Variants in A3GALT2 observed in about 807,000 individuals in gnomAD.
The protein encoded by A3GALT2 is alpha-1,3-galactosyltransferase 2.
Under a neutral mutation model 16.6 loss-of-function variants are expected in A3GALT2, and 14 were observed. That is an observed-to-expected ratio of 0.84 (90% CI 0.56 to 1.32). The LOEUF (loss-of-function observed/expected upper bound fraction) is 1.32, where lower values mean the gene tolerates loss of function less well. Among genes scored for constraint, A3GALT2 ranks in the 40% most tolerant of loss-of-function variants. A3GALT2 has a pLI of 0.00. For missense variants in A3GALT2, 600 were observed against 490.9 expected (o/e 1.22, Z -2.10); for synonymous variants, 253 against 218.0 (o/e 1.16, Z -1.42).
At chr1:33,311,278 C>T (rs139853585) in intron 4 of A3GALT2, among the ~76,000 whole-genome samples, 4 of 152,300 alleles carry the variant, frequency 2.6e-5, no homozygotes, top group Non-Finnish European at 4.4e-5. Flanking sequence ...CATTTCTTCT[C>T]TTGACCTCCT....
chr1:33,319,701 A>T (rs1646276936), intron 1 of A3GALT2, among the ~76,000 whole-genome samples: 1 of 151,810 alleles, frequency 6.6e-6, no homozygotes, highest in South Asian at 2.1e-4. Context: ...CCCACGGCTC[A>T]CTCCCCAATC....
chr1:33,312,384 T>C (rs1646237132), intron 3 of A3GALT2, 117 bp downstream of exon 3: 1 of 1,305,970 alleles, frequency 7.7e-7, no homozygotes. Context: ...CTGCTGGACT[T>C]GGTGGCAGAG....
At chr1:33,317,881 A>G (rs1435838822) in intron 1 of A3GALT2, among the ~76,000 whole-genome samples, 2 of 152,168 alleles carry the variant, frequency 1.3e-5, no homozygotes, top group African/African-American at 4.8e-5. Context: ...TTTCCTTTGA[A>G]TGTCCTGTCA....
At position 33,307,441 on chromosome 1, in the gene A3GALT2, CT is replaced by C; in HGVS notation, c.347del (p.Lys116SerfsTer20). The C allele has an allele frequency of 6.6e-7, 1 of 1,517,778 alleles. No individual in the cohort carries two copies. The highest frequency in any genetic ancestry group is 8.7e-7 in the Non-Finnish European group (1 of 1,143,826). 94.0% of individuals were successfully genotyped at this position (1,517,778 alleles called of 1,614,324 possible). Reference sequence around the variant, plus strand: ...CCGTCTCCAGGAAGCGCTCCAGGTACTTCTCCAGGTATCTAAGGGCGCGGCG... The same window carrying C: ...CCGTCTCCAGGAAGCGCTCCAGGTACTCTCCAGGTATCTAAGGGCGCGGCG... ...TIFAVGRYLE[K>X]YLERFLETAE... On this transcript the variant is annotated frameshift_variant, in exon 5 of 5. Transcript: ENST00000442999. LOFTEE classifies it low-confidence loss of function (END_TRUNC).
In A3GALT2 at chr1:33,308,750, G is replaced by GTTGTTTTTTTTTTTTTTTTTTTT. The variant is rs1646216251; in HGVS notation, c.336-1298_336-1297insAAAAAAAAAAAAAAAAAAAACAA. ...ATTATTTTTTTGTCATGTCAAAGTT[G>GTTGTTTTTTTTTTTTTTTTTTTT]TTTTTTTTTTTTTTTTTTTTTTTTT... is the stretch of plus-strand genomic sequence containing the variant. On this transcript the variant is annotated intron_variant, in intron 4 of 4. Coordinates refer to ENST00000442999, the MANE Select transcript of A3GALT2 (RefSeq NM_001080438.1). Among the ~76,000 whole-genome samples, 9 of 46,128 alleles carry GTTGTTTTTTTTTTTTTTTTTTTT rather than the reference G, an allele frequency of 2.0e-4. 2 individuals are homozygous for GTTGTTTTTTTTTTTTTTTTTTTT. Among genetic ancestry groups the GTTGTTTTTTTTTTTTTTTTTTTT allele is most frequent in the Non-Finnish European group, 2.7e-4 (7 of 26,308 alleles). The allele number at this position is 46,128 out of a possible 152,430, so 30.3% of individuals were successfully genotyped here.
intron 3 of A3GALT2, 149 bp from the exon 4 acceptor site, chr1:33,312,338 A>G: frequency 4.5e-6 from 6 of 1,346,444 alleles, no homozygotes; most frequent in Non-Finnish European, 6.0e-6. Flanking sequence ...AGCTCAGAGC[A>G]ACACAGAGGA....
Position 33,306,810 on chromosome 1 carries a change from G to A in A3GALT2, c.979C>T (p.Arg327Ter). ...TACCCCTTGGGCGCCCACAGCAGTCGCGGGCGGCGGATCTCGGCCCGCGGG... is the reference window on the plus strand; with the variant it reads ...TACCCCTTGGGCGCCCACAGCAGTCACGGGCGGCGGATCTCGGCCCGCGGG... ...IGPRAEIRRP[R>*]LLWAPKGYRL... The change falls in exon 5 of 5, where the codon CGA (arginine) becomes TGA (stop). Residue 327 changes from arginine to a stop codon, truncating the protein, a stop_gained. Transcript: ENST00000442999. LOFTEE classifies it high-confidence loss of function. 1.4e-6 allele frequency: 2 copies of A among 1,469,552 alleles called. No individual in the cohort carries two copies. The highest frequency in any genetic ancestry group is 1.8e-6 in the Non-Finnish European group (2 of 1,117,518). The allele number at this position is 1,469,552 out of a possible 1,614,324, so 91.0% of individuals were successfully genotyped here.
At position 33,307,527 on chromosome 1, in the gene A3GALT2, T is replaced by C. The variant is rs1236307914; in HGVS notation, c.336-74A>G. ...CGGCCTCCCCACCTCATCTCACCTC[T>C]ACTCCCACCCCACCCTCACCCCCAC... On this transcript the variant is annotated intron_variant, in intron 4 of 4. Coordinates refer to ENST00000442999, the MANE Select transcript of A3GALT2 (RefSeq NM_001080438.1). The C allele has an allele frequency of 1.9e-4, 217 of 1,117,088 alleles. No homozygotes were observed. In the East Asian group the frequency reaches 4.4e-3, roughly 23 times the overall value. The allele number at this position is 1,117,088 out of a possible 1,614,324, so 69.2% of individuals were successfully genotyped here.
rs549052871 is a variant in A3GALT2 at position 33,306,837 on chromosome 1, C to T, written c.952G>A (p.Gly318Ser). ...GGGCGGCGGATCTCGGCCCGCGGGC[C>T]GATGTCCGGGCTCCAGCAGAACTCG... ...SPEFCWSPDI[G>S]PRAEIRRPRL... The change falls in exon 5 of 5, where the codon GGC becomes AGC. Residue 318 changes from glycine to serine, a missense_variant. Gly to Ser is a moderately conservative substitution (Grantham distance 56). Transcript: ENST00000442999. 3 of 1,500,430 alleles carry T rather than the reference C, an allele frequency of 2.0e-6. No individual in the cohort carries two copies. The highest frequency in any genetic ancestry group is 2.8e-5 in the East Asian group (1 of 35,664). 92.9% of individuals were successfully genotyped at this position (1,500,430 alleles called of 1,614,324 possible).
chr1:33,311,106 T>G (rs1031548489), intron 4 of A3GALT2, among the ~76,000 whole-genome samples: 3 of 152,176 alleles, frequency 2.0e-5, no homozygotes, highest in Non-Finnish European at 4.4e-5. Context: ...CCAAAGCAAC[T>G]AGTTCCACTT....
At chr1:33,313,008 G>A (rs994125758) in intron 1 of A3GALT2, 118 bp from the exon 2 acceptor site, 2 of 814,062 alleles carry the variant, frequency 2.5e-6, no homozygotes, top group South Asian at 1.6e-5. Flanking sequence ...CTGCATGAAG[G>A]TAGCCAGTGT....
intron 4 of A3GALT2, among the ~76,000 whole-genome samples, chr1:33,308,210 C>T (rs969430130): frequency 1.3e-5 from 2 of 149,422 alleles, no homozygotes; most frequent in African/African-American, 2.5e-5. Flanking sequence ...GCCCTTTGGA[C>T]GACTGGCAGC....
At chr1:33,309,031 T>G (rs1036094635) in intron 4 of A3GALT2, among the ~76,000 whole-genome samples, 1 of 151,666 alleles carries the variant, frequency 6.6e-6, no homozygotes, top group African/African-American at 2.4e-5. Flanking sequence ...CCGCCCTTAA[T>G]CCATTTAACC....
chr1:33,309,975 C>T lies in A3GALT2; in HGVS notation c.335+2077G>A, dbSNP rs574350964. On this transcript the variant is annotated intron_variant, in intron 4 of 4. Transcript: ENST00000442999. ...GGCAGCTGGTAGGTGGAGGTTGTAG[C>T]GAACTGAGATCACGCCACTGCACTC... is the stretch of plus-strand genomic sequence containing the variant. Among the ~76,000 whole-genome samples the T allele has an allele frequency of 1.4e-4, 22 of 152,350 alleles. No individual in the cohort carries two copies. In the East Asian group the frequency reaches 2.3e-3, roughly 16 times the overall value.
In A3GALT2 at chr1:33,307,070, G is replaced by T. The variant is rs751724506; in HGVS notation, c.719C>A (p.Ser240Ter). The T allele has an allele frequency of 2.5e-5, 38 of 1,518,672 alleles. No individual in the cohort carries two copies. Among genetic ancestry groups the T allele is most frequent in the South Asian group, 1.7e-4 (14 of 81,372 alleles). 94.1% of individuals were successfully genotyped at this position (1,518,672 alleles called of 1,614,324 possible). The change falls in exon 5 of 5, where the codon TCG (serine) becomes TAG (stop). Residue 240 changes from serine to a stop codon, truncating the protein, a stop_gained. Coordinates refer to ENST00000442999, the MANE Select transcript of A3GALT2 (RefSeq NM_001080438.1). LOFTEE classifies it low-confidence loss of function (END_TRUNC). ...CTGGCCCCACGCCATCGCGGCGGCC[G>T]AATGCGCGTCGCGTTCGAAGGGCAG... ...WLLPFERDAH[S>*]AAAMAWGQGD...
At chr1:33,308,790 T>G (rs1646217719) in intron 4 of A3GALT2, among the ~76,000 whole-genome samples, 3 of 138,174 alleles carry the variant, frequency 2.2e-5, no homozygotes, top group Non-Finnish European at 4.6e-5. Context: ...TAGTATTTAT[T>G]GATCATTCTT....
intron 1 of A3GALT2, among the ~76,000 whole-genome samples, chr1:33,317,250 A>G (rs1454823336): frequency 6.6e-6 from 1 of 152,208 alleles, no homozygotes; most frequent in East Asian, 1.9e-4. Flanking sequence ...CATGAAAGGA[A>G]AAAAGCAGGA....
intron 1 of A3GALT2, chr1:33,314,177 C>T (rs1211407344): frequency 6.7e-6 from 1 of 150,338 alleles, no homozygotes; most frequent in Non-Finnish European, 1.5e-5. Flanking sequence ...ATTCTCGTGA[C>T]TCAGCCTCCC....
At chr1:33,317,687 C>A (rs1221293634) in intron 1 of A3GALT2, among the ~76,000 whole-genome samples, 1 of 152,246 alleles carries the variant, frequency 6.6e-6, no homozygotes, top group Non-Finnish European at 1.5e-5. Flanking sequence ...CAGGGTTCAT[C>A]AGTAGGGAAC....
Sources: allele counts gnomAD v4.1 joint callset (sites outside exome capture counted in the v4.1 genomes callset), GRCh38; gene constraint gnomAD v4.1.1; transcripts MANE v1.5; gene names NCBI Gene and HGNC (gene_info 2026-07-23, HGNC 2026-07-21).